NRAP: variants seen among roughly 807,000 people sequenced by gnomAD.
NRAP encodes the protein nebulin related anchoring protein, also known as nebulin-related-anchoring protein.
In NRAP, 189 loss-of-function variants were observed where a neutral mutation model predicts 225.9. That is an observed-to-expected ratio of 0.84 (90% CI 0.74 to 0.94). The LOEUF (loss-of-function observed/expected upper bound fraction) is 0.94. Ranked by LOEUF, NRAP falls within the 40% of genes least tolerant of loss-of-function variation. The pLI is 0.00. For synonymous variants in NRAP, 769 were observed against 790.7 expected (o/e 0.97, Z 0.46); for missense variants, 2,176 against 2,168.7 (o/e 1.00, Z -0.07).
At chr10:113,647,523 C>A (rs111652279) in intron 9 of NRAP, among the ~76,000 whole-genome samples, 3 of 87,258 alleles carry the variant, frequency 3.4e-5, no homozygotes, top group Non-Finnish European at 8.6e-5. Context: ...CTGTCTCCCC[C>A]GGTGGTACTG....
At chr10:113,652,480 T>C (rs1431334608) in intron 6 of NRAP, among the ~76,000 whole-genome samples, 1 of 151,794 alleles carries the variant, frequency 6.6e-6, no homozygotes, top group African/African-American at 2.4e-5. Context: ...TCTCTACTAC[T>C]AAAAATACAA....
At chr10:113,663,026 A>C (rs1850783810) in intron 2 of NRAP, among the ~76,000 whole-genome samples, 1 of 152,230 alleles carries the variant, frequency 6.6e-6, no homozygotes, top group Non-Finnish European at 1.5e-5. Flanking sequence ...AAAGTAAAAA[A>C]GGATTCTGAA....
At chr10:113,626,008 C>T in intron 21 of NRAP, 39 bp downstream of exon 21, 1 of 1,456,102 alleles carries the variant, frequency 6.9e-7, no homozygotes, top group Non-Finnish European at 9.4e-7. Flanking sequence ...AGGCCCATGA[C>T]ACAGCAGCTT....
At chr10:113,601,506 G>T (rs1341874504) in intron 35 of NRAP, among the ~76,000 whole-genome samples, 1 of 152,204 alleles carries the variant, frequency 6.6e-6, no homozygotes, top group East Asian at 1.9e-4. Flanking sequence ...TAACCAATTT[G>T]CAGCTTAAAA....
rs1363938594 is a variant in NRAP, at chr10:113,614,282, C to T, written c.3201G>A (p.Glu1067=). ...GEIISDYKYK[E]AFEKMKGQML... is the part of the protein sequence containing the mutation. ...TCTGTCCTTTCATTTTCTCAAATGC[C>T]TCTTTGTATTTGTACTAAAGGGAAA... The change falls in exon 29 of 42, where the codon GAG becomes GAA. Residue 1067 remains glutamate, a synonymous_variant. Transcript: ENST00000359988. 5 of 1,611,050 alleles carry T rather than the reference C, an allele frequency of 3.1e-6. No individual in the cohort carries two copies. The highest frequency in any genetic ancestry group is 1.6e-4 in the Middle Eastern group (1 of 6,082).
rs781011041 is a variant in NRAP, at chr10:113,605,784, G to GC, written c.3892dup (p.Ala1298GlyfsTer8). On this transcript the variant is annotated frameshift_variant, in exon 34 of 42. Coordinates refer to ENST00000359988, the MANE Select transcript of NRAP (RefSeq NM_198060.4). LOFTEE classifies it high-confidence loss of function. Reference sequence around the variant, plus strand: ...CACATCACTGGCTATATCTCCAGAGGCCCGGGCAGCCTGGAAGGGGAGCGC... The same window carrying GC: ...CACATCACTGGCTATATCTCCAGAGGCCCCGGGCAGCCTGGAAGGGGAGCGC... 10 of 1,612,984 alleles carry GC rather than the reference G, an allele frequency of 6.2e-6. No homozygotes were observed. Among genetic ancestry groups the GC allele is most frequent in the Non-Finnish European group, 6.8e-6 (8 of 1,178,934 alleles).
intron 23 of NRAP, among the ~76,000 whole-genome samples, chr10:113,622,748 G>A (rs1564727227): frequency 6.6e-6 from 1 of 152,022 alleles, no homozygotes; most frequent in Non-Finnish European, 1.5e-5. Context: ...ACCACTTATC[G>A]AACACTTGGT....
At chr10:113,612,700 G>T (rs117500329) in intron 29 of NRAP, among the ~76,000 whole-genome samples, 1 of 152,158 alleles carries the variant, frequency 6.6e-6, no homozygotes, top group South Asian at 2.1e-4. Flanking sequence ...AAAGTCCAAG[G>T]AACAGTAAAT....
chr10:113,616,958 C>T (rs796551610), intron 26 of NRAP, among the ~76,000 whole-genome samples: 26 of 152,246 alleles, frequency 1.7e-4, no homozygotes, highest in African/African-American at 5.5e-4. Context: ...CTTGGTTTTG[C>T]ATCATAAAGG....
intron 32 of NRAP, 130 bp downstream of exon 32, chr10:113,608,284 T>C: frequency 1.6e-6 from 1 of 623,670 alleles, no homozygotes; most frequent in Non-Finnish European, 2.9e-6. Flanking sequence ...TTCCATATAA[T>C]GACATTCTTT....
intron 9 of NRAP, among the ~76,000 whole-genome samples, chr10:113,647,819 C>A (rs941531379): frequency 2.0e-5 from 3 of 152,180 alleles, no homozygotes; most frequent in Non-Finnish European, 4.4e-5. Flanking sequence ...TGAAATGGGA[C>A]TAAATGTATA....
chr10:113,645,944 G>GAAAA lies in NRAP; in HGVS notation c.994-7_994-4dup, dbSNP rs35741231. Reference sequence around the variant, plus strand: ...TTGAAGTCCTGCCTGTATTTTATCTGAAAAAAAAAACACAAAACGGGGCTG... The same window carrying GAAAA: ...TTGAAGTCCTGCCTGTATTTTATCTGAAAAAAAAAAAAAACACAAAACGGGGCTG... On this transcript the variant is annotated splice_polypyrimidine_tract_variant and splice_region_variant and intron_variant, in intron 10 of 41. Coordinates refer to ENST00000359988, the MANE Select transcript of NRAP (RefSeq NM_198060.4). 445 of 1,245,380 alleles carry GAAAA rather than the reference G, an allele frequency of 3.6e-4. No individual in the cohort carries two copies. The highest frequency in any genetic ancestry group is 4.8e-4 in the South Asian group (34 of 70,200). The allele number at this position is 1,245,380 out of a possible 1,614,324, so 77.1% of individuals were successfully genotyped here. A position where few individuals can be genotyped will look rare whatever the true frequency, so the allele number is the denominator to read the frequency against.
At chr10:113,659,143 T>A (rs953562950) in intron 3 of NRAP, among the ~76,000 whole-genome samples, 2 of 152,200 alleles carry the variant, frequency 1.3e-5, no homozygotes, top group African/African-American at 2.4e-5. Flanking sequence ...AGGAAACAAT[T>A]AAATGAACAT....
rs564487112 is a variant in NRAP, at chr10:113,641,299, A to T, written c.1323+66T>A. ...TTTTTTTTAAGGGGAATTTAAAAAG[A>T]ATTGGCTGAATTCTTCATGCCCTGC... is the stretch of plus-strand genomic sequence containing the variant. On this transcript the variant is annotated intron_variant, in intron 13 of 41. Coordinates refer to ENST00000359988, the MANE Select transcript of NRAP (RefSeq NM_198060.4). 8 of 935,358 alleles carry T rather than the reference A, an allele frequency of 8.6e-6. No individual in the cohort carries two copies. In the African/African-American group the frequency reaches 1.3e-4, roughly 15 times the overall value. 57.9% of individuals were successfully genotyped at this position (935,358 alleles called of 1,614,324 possible).
At position 113,597,116 on chromosome 10, in the gene NRAP, A is replaced by G. The variant is rs1846326716; in HGVS notation, c.4401T>C (p.His1467=). 1.9e-6 allele frequency: 3 copies of G among 1,613,722 alleles called. No homozygotes were observed. The highest frequency in any genetic ancestry group is 2.5e-6 in the Non-Finnish European group (3 of 1,179,696). Residue 1467 remains histidine, a synonymous_variant, in exon 37 of 42, where the codon CAT becomes CAC. Coordinates refer to ENST00000359988, the MANE Select transcript of NRAP (RefSeq NM_198060.4). ...TGCAGTGCATATAGCTGTTCTTGGC[A>G]TGAACCAGGTCTGGGGAGTCAACCA... ...TTVVDSPDLV[H]AKNSYMHCNE...
chr10:113,613,875 G>C (rs373202507), intron 29 of NRAP, among the ~76,000 whole-genome samples: 2 of 152,118 alleles, frequency 1.3e-5, no homozygotes, highest in African/African-American at 4.8e-5. Context: ...CTCTGCAGAC[G>C]AAATGAAAGA....
chr10:113,633,721 T>C (rs1486463260), intron 15 of NRAP, among the ~76,000 whole-genome samples: 1 of 152,166 alleles, frequency 6.6e-6, no homozygotes, highest in Non-Finnish European at 1.5e-5. Context: ...ATGTTAAAAT[T>C]ATATAAACAT....
chr10:113,628,778 G>A (rs1327357451), intron 20 of NRAP, 139 bp downstream of exon 20: 6 of 595,536 alleles, frequency 1.0e-5, no homozygotes, highest in Non-Finnish European at 1.8e-5. Context: ...TGTGCTACAG[G>A]TGTGAAATGA....
In NRAP at chr10:113,657,459, T is replaced by G. The variant is rs1163882186; in HGVS notation, c.360+11A>C. On this transcript the variant is annotated intron_variant, in intron 4 of 41. Transcript: ENST00000359988. The stretch of plus-strand genomic sequence containing the variant: ...TTCTTTTTCCAAACCCACTTGTCAC[T>G]TTTCTCTCACCTCATTTGCCAGTGG... The G allele has an allele frequency of 7.2e-7, 1 of 1,386,054 alleles. No individual in the cohort carries two copies. Among genetic ancestry groups the G allele is most frequent in the Non-Finnish European group, 1.0e-6 (1 of 972,832 alleles). The allele number at this position is 1,386,054 out of a possible 1,614,324, so 85.9% of individuals were successfully genotyped here.
Sources: allele counts gnomAD v4.1 joint callset (sites outside exome capture counted in the v4.1 genomes callset), GRCh38; gene constraint gnomAD v4.1.1; transcripts MANE v1.5; gene names NCBI Gene and HGNC (gene_info 2026-07-23, HGNC 2026-07-21).